The following FOXP2 variants were observed in gnomAD, a reference collection of about 807,000 sequenced individuals.
The protein encoded by FOXP2 is forkhead box P2, also known as forkhead box protein P2.
FOXP2 carries 12 observed loss-of-function variants against 115.8 expected under a neutral mutation model. That is an observed-to-expected ratio of 0.10 (90% CI 0.07 to 0.17). The LOEUF is 0.17. FOXP2 is among the 10% of genes least tolerant of loss of function. FOXP2 has a pLI of 1.00. For missense variants in FOXP2, 629 were observed against 843.5 expected, an observed-to-expected ratio of 0.75 and a Z score of 3.15; for synonymous variants, 328 against 297.7, an observed-to-expected ratio of 1.10 and a Z score of -1.05.
intron 1 of FOXP2, among the ~76,000 whole-genome samples, chr7:114,117,576 T>A (rs1791444310): frequency 6.6e-6 from 1 of 152,110 alleles, no homozygotes; most frequent in Non-Finnish European, 1.5e-5. Flanking sequence ...TTTATTACCA[T>A]TGAGAGGGAT....
At chr7:114,171,755 G>A (rs924384345) in intron 1 of FOXP2, among the ~76,000 whole-genome samples, 3 of 152,142 alleles carry the variant, frequency 2.0e-5, no homozygotes, top group Admixed American at 1.3e-4. Context: ...ACCTGCTATA[G>A]GTAGTAGATT....
chr7:114,653,795 C>A, intron 9 of FOXP2, 131 bp from the exon 10 acceptor site: 1 of 988,058 alleles, frequency 1.0e-6, no homozygotes, highest in Non-Finnish European at 1.6e-6. Flanking sequence ...CAGATAAGTT[C>A]CTCCTGACGC....
chr7:114,119,452 T>C (rs1791499496), intron 1 of FOXP2, among the ~76,000 whole-genome samples: 1 of 152,136 alleles, frequency 6.6e-6, no homozygotes, highest in Non-Finnish European at 1.5e-5. Flanking sequence ...TTACAATTCA[T>C]ATTTGTGGCC....
intron 1 of FOXP2, among the ~76,000 whole-genome samples, chr7:114,198,923 A>T (rs1313349018): frequency 1.3e-5 from 2 of 152,208 alleles, no homozygotes; most frequent in Non-Finnish European, 2.9e-5. Context: ...TGGAGGCAGA[A>T]TTTCCTCTTT....
At chr7:114,686,456 A>G (rs1808370091) in intron 16 of FOXP2, among the ~76,000 whole-genome samples, 1 of 152,242 alleles carries the variant, frequency 6.6e-6, no homozygotes, top group African/African-American at 2.4e-5. Flanking sequence ...AACAGGAGTG[A>G]GCCACAGCGC....
intron 2 of FOXP2, among the ~76,000 whole-genome samples, chr7:114,301,893 C>G (rs1353357801): frequency 6.6e-6 from 1 of 152,044 alleles, no homozygotes; most frequent in Non-Finnish European, 1.5e-5. Flanking sequence ...TGGCTTTCTG[C>G]CATACTTTTT....
intron 2 of FOXP2, among the ~76,000 whole-genome samples, chr7:114,465,581 C>A (rs979234172): frequency 6.6e-6 from 1 of 152,080 alleles, no homozygotes; most frequent in Non-Finnish European, 1.5e-5. Flanking sequence ...GTTAGTAAAC[C>A]ACCTATTAAA....
At chr7:114,570,557 A>G (rs114262851) in intron 3 of FOXP2, among the ~76,000 whole-genome samples, 1 of 151,998 alleles carries the variant, frequency 6.6e-6, no homozygotes, top group African/African-American at 2.4e-5. Flanking sequence ...ATGGTACATA[A>G]TCAGTGGATT....
chr7:114,161,766 C>T (rs184458581), upstream of FOXP2, among the ~76,000 whole-genome samples: 4 of 152,106 alleles, frequency 2.6e-5, no homozygotes, highest in Non-Finnish European at 5.9e-5. Context: ...CAGGTAATGG[C>T]ACATGTTGAA....
At chr7:114,542,597 T>C (rs997381731) in intron 3 of FOXP2, among the ~76,000 whole-genome samples, 4 of 152,118 alleles carry the variant, frequency 2.6e-5, no homozygotes, top group African/African-American at 9.7e-5. Flanking sequence ...TTGGTCTGCT[T>C]TTTCAGAAAA....
chr7:114,234,180 G>C (rs1668332), intron 1 of FOXP2, among the ~76,000 whole-genome samples: 100,642 of 151,976 alleles, frequency 0.66, 33,881 homozygotes, highest in Middle Eastern at 0.82. Flanking sequence ...ATTTTTAAGT[G>C]AGGTTGATAC....
At chr7:114,394,895 T>C (rs1375446559) in intron 2 of FOXP2, among the ~76,000 whole-genome samples, 1 of 152,144 alleles carries the variant, frequency 6.6e-6, no homozygotes, top group Non-Finnish European at 1.5e-5. Context: ...GAGAGGACAT[T>C]ATTAGGACAA....
At chr7:114,409,549 C>T (rs1350053031), upstream of FOXP2, among the ~76,000 whole-genome samples, 1 of 151,886 alleles carries the variant, frequency 6.6e-6, no homozygotes, top group Non-Finnish European at 1.5e-5. Context: ...AATCTTTTTC[C>T]ATTTTCTTCA....
intron 1 of FOXP2, among the ~76,000 whole-genome samples, chr7:114,257,050 C>T (rs1307528410): frequency 6.6e-6 from 1 of 152,256 alleles, no homozygotes; most frequent in African/African-American, 2.4e-5. Flanking sequence ...AAGTTTACTA[C>T]AAGGCTACAG....
intron 2 of FOXP2, among the ~76,000 whole-genome samples, chr7:114,353,897 A>G (rs182764104): frequency 1.2e-4 from 19 of 152,200 alleles, no homozygotes; most frequent in African/African-American, 4.1e-4. Context: ...TCTGCATTCT[A>G]TATCAACTTT....
chr7:114,124,137 G>C (rs1306882584), intron 1 of FOXP2, among the ~76,000 whole-genome samples: 1 of 151,872 alleles, frequency 6.6e-6, no homozygotes, highest in African/African-American at 2.4e-5. Context: ...CAGTCAAAAT[G>C]GTTATTTGGA....
chr7:114,262,014 C>T (rs1455129523), intron 1 of FOXP2, among the ~76,000 whole-genome samples: 7 of 152,066 alleles, frequency 4.6e-5, no homozygotes, highest in Admixed American at 2.0e-4. Flanking sequence ...GCCCGGATCA[C>T]GCCATTGTAC....
chr7:114,216,288 A>G (rs1407853118), intron 1 of FOXP2, among the ~76,000 whole-genome samples: 1 of 152,122 alleles, frequency 6.6e-6, no homozygotes, highest in African/African-American at 2.4e-5. Flanking sequence ...AAATTCCTCC[A>G]ATCAATTATA....
At chr7:114,309,340 A>G (rs1418656988) in intron 2 of FOXP2, among the ~76,000 whole-genome samples, 1 of 152,180 alleles carries the variant, frequency 6.6e-6, no homozygotes, top group Non-Finnish European at 1.5e-5. Flanking sequence ...CAATCACCGT[A>G]CGAAGTGTGG....
Sources: gnomAD v4.1 joint callset for allele counts (sites outside exome capture counted in the v4.1 genomes callset) on GRCh38, gnomAD v4.1.1 for gene constraint, MANE v1.5 for transcripts, NCBI Gene and HGNC (gene_info 2026-07-23, HGNC 2026-07-21) for gene names.